The following NAALADL2 variants were observed in gnomAD, a reference collection of about 807,000 sequenced individuals.
The protein encoded by NAALADL2 is inactive N-acetylated-alpha-linked acidic dipeptidase-like protein 2.
A neutral mutation model predicts 87.2 loss-of-function variants in NAALADL2; 76 were observed. The ratio of observed to expected loss-of-function variants is 0.87; its 90% CI spans 0.72 to 1.05. The LOEUF (loss-of-function observed/expected upper bound fraction) is 1.05, where lower values mean the gene tolerates loss of function less well. NAALADL2 is among the 50% of genes least tolerant of loss of function. The pLI is 0.00. For synonymous variants in NAALADL2, 354 were observed against 331.0 expected (o/e 1.07, Z -0.75); for missense variants, 1,089 against 945.8 (o/e 1.15, Z -1.99).
chr3:174,919,100 A>G lies in NAALADL2; in HGVS notation c.43+59650A>G, dbSNP rs567907844. The stretch of plus-strand genomic sequence containing the variant: ...ATTGCTAAAAAATCCTAGCAGTATT[A>G]CAACTTCAGCAAGTTGTAATATTTT... On this transcript the variant is annotated intron_variant, in intron 1 of 13. Coordinates refer to ENST00000454872, the MANE Select transcript of NAALADL2 (RefSeq NM_207015.3). Among the ~76,000 whole-genome samples the G allele has an allele frequency of 9.9e-5, 15 of 152,276 alleles. No individual in the cohort carries two copies. The East Asian group carries it at 2.9e-3, about 29-fold the overall frequency.
intron 9 of NAALADL2, among the ~76,000 whole-genome samples, chr3:175,574,420 G>A (rs1270551245): frequency 6.6e-6 from 1 of 152,166 alleles, no homozygotes; most frequent in Non-Finnish European, 1.5e-5. Context: ...AAATAGTAGA[G>A]TACTGATTGG....
At chr3:175,666,169 TG>T (rs965881145) in intron 11 of NAALADL2, among the ~76,000 whole-genome samples, 8 of 152,132 alleles carry the variant, frequency 5.3e-5, no homozygotes, top group African/African-American at 1.9e-4. Flanking sequence ...ACTTCTGTGT[TG>T]CAGAATGTGT....
intron 1 of NAALADL2, among the ~76,000 whole-genome samples, chr3:174,861,567 A>G (rs995805913): frequency 4.6e-5 from 7 of 152,124 alleles, no homozygotes; most frequent in African/African-American, 1.7e-4. Flanking sequence ...TAACTATGTT[A>G]AAATAATATG....
intron 1 of NAALADL2, among the ~76,000 whole-genome samples, chr3:174,532,519 A>G (rs2108443937): frequency 6.6e-6 from 1 of 152,322 alleles, no homozygotes; most frequent in African/African-American, 2.4e-5. Flanking sequence ...GTCAAATTTA[A>G]TCATTGAATC....
chr3:175,065,111 T>C (rs1302367045), intron 1 of NAALADL2, among the ~76,000 whole-genome samples: 4 of 152,288 alleles, frequency 2.6e-5, no homozygotes, highest in African/African-American at 9.6e-5. Context: ...CTAGGAGACC[T>C]GGAAATTCAA....
intron 11 of NAALADL2, among the ~76,000 whole-genome samples, chr3:175,647,601 G>A (rs1730188357): frequency 6.6e-6 from 1 of 152,130 alleles, no homozygotes; most frequent in Non-Finnish European, 1.5e-5. Context: ...AGAATCATTT[G>A]TGAAGACTGA....
intron 2 of NAALADL2, among the ~76,000 whole-genome samples, chr3:175,214,611 T>TA (rs796774488): frequency 1.3e-5 from 2 of 151,890 alleles, no homozygotes; most frequent in South Asian, 4.2e-4. Context: ...GAAAACCATT[T>TA]TTTTCTTATA....
intron 2 of NAALADL2, among the ~76,000 whole-genome samples, chr3:174,702,316 T>A (rs538277792): frequency 9.8e-4 from 150 of 152,332 alleles, no homozygotes; most frequent in Admixed American, 1.9e-3. Context: ...TAATCTTTTT[T>A]ATTTTTACTT....
At chr3:175,468,474 G>C (rs77046188) in intron 8 of NAALADL2, among the ~76,000 whole-genome samples, 1 of 151,972 alleles carries the variant, frequency 6.6e-6, no homozygotes, top group Admixed American at 6.6e-5. Context: ...GAATATGTTT[G>C]TAATCTATAC....
intron 13 of NAALADL2, among the ~76,000 whole-genome samples, chr3:175,785,318 A>G (rs528499142): frequency 0.052 from 7,702 of 147,252 alleles, 550 homozygotes; most frequent in African/African-American, 0.18. Context: ...AAAGTCTCCC[A>G]TTATTAATGT....
rs567212938 is a variant in NAALADL2, at chr3:175,391,394, T to C, written c.1091-55835T>C. ...ACAAAGAGACCATAGCTTCCTTCTG[T>C]GGGCCCTCCCTTGATCTCTCGCTGT... is the stretch of plus-strand genomic sequence containing the variant. On this transcript the variant is annotated intron_variant, in intron 5 of 13. Transcript: ENST00000454872. Among the ~76,000 whole-genome samples the C allele has an allele frequency of 3.3e-5, 5 of 152,332 alleles. No homozygotes were observed. The East Asian group carries it at 9.7e-4, about 29-fold the overall frequency.
intron 3 of NAALADL2, among the ~76,000 whole-genome samples, chr3:174,790,085 TA>T (rs1717273559): frequency 6.6e-6 from 1 of 152,180 alleles, no homozygotes; most frequent in Non-Finnish European, 1.5e-5. Context: ...GGAGAGGGTC[TA>T]AGACAATTTT....
intron 2 of NAALADL2, among the ~76,000 whole-genome samples, chr3:174,728,851 A>T (rs1394276410): frequency 6.6e-6 from 1 of 152,124 alleles, no homozygotes; most frequent in Non-Finnish European, 1.5e-5. Flanking sequence ...CAGACAGCTG[A>T]TGGAGCTGGC....
At chr3:174,890,627 C>A (rs1197051553) in intron 1 of NAALADL2, among the ~76,000 whole-genome samples, 5 of 152,018 alleles carry the variant, frequency 3.3e-5, no homozygotes, top group Admixed American at 2.6e-4. Context: ...CCCAGTGTGG[C>A]AAAAACTAAC....
In NAALADL2 at chr3:175,324,299, C is replaced by A; in HGVS notation, c.1064C>A (p.Pro355His). Reference sequence around the variant, plus strand: ...GTGTCACTGAATCCAGGAGGAGACCCTTCTACGCCTGGTTACCCAAGTGTC... The same window carrying A: ...GTGTCACTGAATCCAGGAGGAGACCATTCTACGCCTGGTTACCCAAGTGTC... ...FMVSLNPGGD[P>H]STPGYPSVDE... The change falls in exon 5 of 14, where the codon CCT becomes CAT. Residue 355 changes from proline to histidine, a missense_variant. Coordinates refer to ENST00000454872, the MANE Select transcript of NAALADL2 (RefSeq NM_207015.3). 1 of 1,612,282 alleles carries A rather than the reference C, an allele frequency of 6.2e-7. No homozygotes were observed. The highest frequency in any genetic ancestry group is 8.5e-7 in the Non-Finnish European group (1 of 1,179,244).
chr3:174,714,193 G>T (rs1730961288), intron 2 of NAALADL2, among the ~76,000 whole-genome samples: 1 of 152,092 alleles, frequency 6.6e-6, no homozygotes, highest in South Asian at 2.1e-4. Context: ...ATGCTGTTTT[G>T]TTTACTGTAG....
At chr3:175,612,953 C>G (rs566544094) in intron 10 of NAALADL2, among the ~76,000 whole-genome samples, 9 of 152,192 alleles carry the variant, frequency 5.9e-5, no homozygotes, top group Non-Finnish European at 1.3e-4. Context: ...ACCTCTACCC[C>G]AGGGATAGCC....
chr3:174,931,466 G>A (rs1736879553), intron 1 of NAALADL2, among the ~76,000 whole-genome samples: 2 of 152,272 alleles, frequency 1.3e-5, no homozygotes, highest in African/African-American at 2.4e-5. Flanking sequence ...GTTTAATTAT[G>A]TAAAACACTT....
At chr3:175,403,325 C>T (rs1289430480) in intron 5 of NAALADL2, among the ~76,000 whole-genome samples, 2 of 151,900 alleles carry the variant, frequency 1.3e-5, no homozygotes, top group African/African-American at 4.8e-5. Context: ...AGTGAATTGT[C>T]CCTTGGAAGT....
Sources: allele counts gnomAD v4.1 joint callset (sites outside exome capture counted in the v4.1 genomes callset), GRCh38; gene constraint gnomAD v4.1.1; transcripts MANE v1.5; gene names NCBI Gene and HGNC (gene_info 2026-07-23, HGNC 2026-07-21).